CLSTN2: variants seen among roughly 807,000 people sequenced by gnomAD.
The protein encoded by CLSTN2 is calsyntenin-2.
In CLSTN2, 48 loss-of-function variants were observed where a neutral mutation model predicts 101.2. That is an observed-to-expected ratio of 0.47 (90% CI 0.38 to 0.60). The LOEUF (loss-of-function observed/expected upper bound fraction) is 0.60. Ranked by LOEUF, CLSTN2 falls within the 20% of genes least tolerant of loss-of-function variation. The probability of loss-of-function intolerance (pLI) is 0.00; values close to 1 mark genes in which losing one functional copy is unlikely to be tolerated. For synonymous variants in CLSTN2, 481 were observed against 463.6 expected, an observed-to-expected ratio of 1.04 and a Z score of -0.48; for missense variants, 1,160 against 1,238.2, an observed-to-expected ratio of 0.94 and a Z score of 0.95.
chr3:140,565,369 G>T (rs531474053), intron 16 of CLSTN2, among the ~76,000 whole-genome samples: 51 of 152,240 alleles, frequency 3.3e-4, no homozygotes, highest in African/African-American at 1.2e-3. Context: ...CAAGCAAGGA[G>T]AAACAACTTT....
intron 1 of CLSTN2, among the ~76,000 whole-genome samples, chr3:139,956,440 C>A (rs1935401321): frequency 6.6e-6 from 1 of 152,152 alleles, no homozygotes; most frequent in African/African-American, 2.4e-5. Flanking sequence ...TCTTGTTAGT[C>A]ACCCCCGCTG....
intron 2 of CLSTN2, among the ~76,000 whole-genome samples, chr3:140,231,375 A>G (rs1435226085): frequency 6.6e-6 from 1 of 152,140 alleles, no homozygotes; most frequent in Non-Finnish European, 1.5e-5. Context: ...TCACAAAAAG[A>G]GATTGAAAAA....
chr3:140,032,122 A>G (rs1267175090), intron 1 of CLSTN2, among the ~76,000 whole-genome samples: 2 of 152,206 alleles, frequency 1.3e-5, no homozygotes, highest in East Asian at 3.9e-4. Flanking sequence ...AACATATTGC[A>G]TAGACTTGTC....
chr3:140,116,972 C>T (rs2009253887), intron 1 of CLSTN2, among the ~76,000 whole-genome samples: 1 of 152,166 alleles, frequency 6.6e-6, no homozygotes, highest in African/African-American at 2.4e-5. Context: ...GGCTTTTGGT[C>T]AGTCTTCTGA....
chr3:139,945,918 C>A (rs1404117823), intron 1 of CLSTN2, among the ~76,000 whole-genome samples: 1 of 152,168 alleles, frequency 6.6e-6, no homozygotes, highest in East Asian at 1.9e-4. Flanking sequence ...ATTAATCACT[C>A]TCTAAAAGCA....
intron 2 of CLSTN2, among the ~76,000 whole-genome samples, chr3:140,210,658 C>T (rs2010843769): frequency 6.6e-6 from 1 of 152,162 alleles, no homozygotes; most frequent in African/African-American, 2.4e-5. Context: ...AGTGAATCCA[C>T]ACTGTGTCTG....
chr3:140,249,189 A>G (rs2086541300), intron 2 of CLSTN2, among the ~76,000 whole-genome samples: 1 of 152,172 alleles, frequency 6.6e-6, no homozygotes, highest in South Asian at 2.1e-4. Context: ...TTACTCTAAC[A>G]AACAGGGCCC....
intron 9 of CLSTN2, among the ~76,000 whole-genome samples, chr3:140,543,382 G>A (rs539861203): frequency 7.9e-5 from 12 of 152,300 alleles, no homozygotes; most frequent in African/African-American, 1.9e-4. Context: ...TCCCATAGCC[G>A]TGGGCCATCT....
chr3:140,527,466 G>A (rs980025411), intron 8 of CLSTN2, among the ~76,000 whole-genome samples: 1 of 152,076 alleles, frequency 6.6e-6, no homozygotes, highest in Non-Finnish European at 1.5e-5. Flanking sequence ...GGAATATACT[G>A]TTAGTGGGAA....
chr3:140,307,861 A>G (rs1446903198), intron 2 of CLSTN2, among the ~76,000 whole-genome samples: 2 of 152,198 alleles, frequency 1.3e-5, no homozygotes, highest in Non-Finnish European at 2.9e-5. Flanking sequence ...TGCCAAACCA[A>G]TTAACAATAC....
chr3:140,463,028 C>G (rs181332340), intron 7 of CLSTN2, among the ~76,000 whole-genome samples: 1 of 152,194 alleles, frequency 6.6e-6, no homozygotes, highest in African/African-American at 2.4e-5. Context: ...GTTAGGTGAA[C>G]ACATAGCCAT....
At chr3:140,300,585 G>A (rs558721630) in intron 2 of CLSTN2, among the ~76,000 whole-genome samples, 4 of 152,242 alleles carry the variant, frequency 2.6e-5, no homozygotes, top group East Asian at 1.9e-4. Context: ...CTCTGAGGTA[G>A]GTTCCCAGAT....
chr3:140,076,566 C>A (rs2008493065), intron 1 of CLSTN2, among the ~76,000 whole-genome samples: 1 of 147,358 alleles, frequency 6.8e-6, no homozygotes, highest in African/African-American at 2.5e-5. Context: ...CACACTCTGG[C>A]TGACAGGCAG....
intron 4 of CLSTN2, among the ~76,000 whole-genome samples, chr3:140,410,374 T>A (rs1576553032): frequency 3.8e-5 from 4 of 104,060 alleles, no homozygotes; most frequent in Admixed American, 1.0e-4. Flanking sequence ...GGCCAGAAAA[T>A]AATAGAATTA....
intron 2 of CLSTN2, among the ~76,000 whole-genome samples, chr3:140,314,618 A>T (rs955461786): frequency 9.9e-5 from 15 of 152,176 alleles, no homozygotes; most frequent in Non-Finnish European, 1.9e-4. Context: ...AACATAAAAC[A>T]AACAACAACA....
chr3:140,561,206 G>A (rs926488934), intron 12 of CLSTN2, among the ~76,000 whole-genome samples: 1 of 152,010 alleles, frequency 6.6e-6, no homozygotes. Flanking sequence ...CAATAAAGGA[G>A]TGCAAGATCA....
At chr3:140,426,240 C>T (rs1008614319) in intron 5 of CLSTN2, among the ~76,000 whole-genome samples, 7 of 152,154 alleles carry the variant, frequency 4.6e-5, no homozygotes, top group African/African-American at 1.7e-4. Context: ...AGATATTAAG[C>T]GCCACATGCA....
intron 2 of CLSTN2, among the ~76,000 whole-genome samples, chr3:140,218,928 C>T (rs1441667574): frequency 1.3e-5 from 2 of 152,084 alleles, no homozygotes; most frequent in Admixed American, 6.5e-5. Flanking sequence ...CAGAGGGGAA[C>T]GTAACCTGAA....
At chr3:140,026,926 G>A (rs1024481314) in intron 1 of CLSTN2, among the ~76,000 whole-genome samples, 1 of 152,258 alleles carries the variant, frequency 6.6e-6, no homozygotes, top group African/African-American at 2.4e-5. Flanking sequence ...GTGACTGCAG[G>A]AGCTCTGGCA....
Sources: gnomAD v4.1 joint callset for allele counts (sites outside exome capture counted in the v4.1 genomes callset) on GRCh38, gnomAD v4.1.1 for gene constraint, MANE v1.5 for transcripts, NCBI Gene and HGNC (gene_info 2026-07-23, HGNC 2026-07-21) for gene names.